UBE2E2: variants seen among roughly 807,000 people sequenced by gnomAD.
UBE2E2 encodes ubiquitin-conjugating enzyme E2 E2.
Under a neutral mutation model 24.7 loss-of-function variants are expected in UBE2E2, and 6 were observed. The ratio of observed to expected loss-of-function variants is 0.24; its 90% CI spans 0.13 to 0.48. The LOEUF (loss-of-function observed/expected upper bound fraction) is 0.48, where lower values mean the gene tolerates loss of function less well. Ranked by LOEUF, UBE2E2 falls within the 20% of genes least tolerant of loss-of-function variation. The probability of loss-of-function intolerance (pLI) is 0.99; values close to 1 mark genes in which losing one functional copy is unlikely to be tolerated. For synonymous variants in UBE2E2, 104 were observed against 83.6 expected, an observed-to-expected ratio of 1.24 and a Z score of -1.33; for missense variants, 169 against 245.0, an observed-to-expected ratio of 0.69 and a Z score of 2.07.
chr3:23,504,912 C>CT (rs150970405), intron 4 of UBE2E2, among the ~76,000 whole-genome samples: 1,532 of 95,056 alleles, frequency 0.016, 202 homozygotes, highest in African/African-American at 0.049. Context: ...GACATTCTTT[C>CT]TTTTTTTTTT....
At chr3:23,232,746 T>TA (rs1459743334) in intron 3 of UBE2E2, among the ~76,000 whole-genome samples, 1 of 152,260 alleles carries the variant, frequency 6.6e-6, no homozygotes, top group Non-Finnish European at 1.5e-5. Context: ...TCTTTGCGCA[T>TA]ACATTGTTTC....
At chr3:23,301,634 C>T (rs948207207) in intron 3 of UBE2E2, among the ~76,000 whole-genome samples, 3 of 152,162 alleles carry the variant, frequency 2.0e-5, no homozygotes, top group Admixed American at 6.5e-5. Context: ...TCTGATCGTT[C>T]CTCTGGAAGT....
rs574556571 is a variant in UBE2E2 at position 23,583,436 on chromosome 3, T to C, written c.509-6298T>C. Among the ~76,000 whole-genome samples, 15 of 152,296 alleles carry C rather than the reference T, an allele frequency of 9.8e-5. No homozygotes were observed. In the South Asian group the frequency reaches 3.1e-3, roughly 32 times the overall value. ...GGCCCTTTTTTGGTTCCATATGAATTTTAAAATAGTTTTTTCTAGTTCTGT... is the reference window on the plus strand; with the variant it reads ...GGCCCTTTTTTGGTTCCATATGAATCTTAAAATAGTTTTTTCTAGTTCTGT... On this transcript the variant is annotated intron_variant, in intron 5 of 5. Transcript: ENST00000396703. This position sits in a 1 kb window ranked among gnomAD's most constrained non-coding sequence, Gnocchi z 4.1.
intron 3 of UBE2E2, among the ~76,000 whole-genome samples, chr3:23,426,093 A>G (rs1697918329): frequency 6.6e-6 from 1 of 152,206 alleles, no homozygotes; most frequent in South Asian, 2.1e-4. Flanking sequence ...AAAACAGTGA[A>G]ATAAAAATGA....
intron 3 of UBE2E2, among the ~76,000 whole-genome samples, chr3:23,229,382 G>T (rs2125330762): frequency 6.6e-6 from 1 of 152,160 alleles, no homozygotes; most frequent in Admixed American, 6.6e-5. Flanking sequence ...AGATTTTGGT[G>T]CACCCATCTC....
chr3:23,551,187 T>C (rs1415587157), intron 5 of UBE2E2, among the ~76,000 whole-genome samples: 1 of 152,152 alleles, frequency 6.6e-6, no homozygotes, highest in African/African-American at 2.4e-5. Context: ...CATAAAATAT[T>C]ACCACGGACT....
chr3:23,467,754 A>G (rs1487339833), intron 3 of UBE2E2, among the ~76,000 whole-genome samples: 2 of 152,154 alleles, frequency 1.3e-5, no homozygotes. Context: ...AGACTGGGTA[A>G]TTTATAAGAA....
chr3:23,246,912 G>A (rs9841518), intron 3 of UBE2E2, among the ~76,000 whole-genome samples: 48,458 of 151,846 alleles, frequency 0.32, 8,037 homozygotes, highest in African/African-American at 0.37. Flanking sequence ...AATAGAGACG[G>A]AGTCATGCTG....
chr3:23,406,767 G>A (rs1397719238), intron 3 of UBE2E2, among the ~76,000 whole-genome samples: 2 of 152,182 alleles, frequency 1.3e-5, no homozygotes, highest in Non-Finnish European at 2.9e-5. Context: ...CCAACATAAA[G>A]AAAATCTGTA....
At chr3:23,246,168 AC>A (rs1212066366) in intron 3 of UBE2E2, among the ~76,000 whole-genome samples, 1 of 146,836 alleles carries the variant, frequency 6.8e-6, no homozygotes, top group Non-Finnish European at 1.5e-5. Context: ...TGATCCTTCC[AC>A]CTCAGCCTCC....
Position 23,291,849 on chromosome 3 carries a change from A to ATTTTTTTTTTTTTT in UBE2E2, c.227+74551_227+74564dup, listed in dbSNP as rs57708620. Among the ~76,000 whole-genome samples the ATTTTTTTTTTTTTT allele has an allele frequency of 8.0e-4, 51 of 64,040 alleles. 6 individuals carry two copies. The highest frequency in any genetic ancestry group is 3.5e-3 in the African/African-American group (49 of 14,038). 42.0% of individuals were successfully genotyped at this position (64,040 alleles called of 152,430 possible). ...AGATGTGTGCCACCATGCCCGGCTAATTTTTTTTTTTTTTTTTTTTTTTTT... is the reference window on the plus strand; with the variant it reads ...AGATGTGTGCCACCATGCCCGGCTAATTTTTTTTTTTTTTTTTTTTTTTTTTTTTTTTTTTTTTT... On this transcript the variant is annotated intron_variant, in intron 3 of 5. Coordinates refer to ENST00000396703, the MANE Select transcript of UBE2E2 (RefSeq NM_152653.4).
intron 3 of UBE2E2, among the ~76,000 whole-genome samples, chr3:23,287,486 T>C (rs1180196247): frequency 6.6e-6 from 1 of 152,178 alleles, no homozygotes; most frequent in Non-Finnish European, 1.5e-5. Flanking sequence ...TAGAACAGTT[T>C]GAGTAGGATT....
chr3:23,382,178 A>ATTTTTTTTT (rs10645761), intron 3 of UBE2E2, among the ~76,000 whole-genome samples: 21 of 110,796 alleles, frequency 1.9e-4, no homozygotes, highest in East Asian at 5.0e-4. Flanking sequence ...GAATACTTTA[A>ATTTTTTTTT]TTTTTTTTTT....
In UBE2E2 at chr3:23,316,483, C is replaced by T. The variant is rs535016724; in HGVS notation, c.227+99171C>T. Among the ~76,000 whole-genome samples, 75 of 152,082 alleles carry T rather than the reference C, an allele frequency of 4.9e-4. 1 individual carries two copies. Among genetic ancestry groups the T allele is most frequent in the Non-Finnish European group, 7.5e-4 (51 of 68,000 alleles). The stretch of plus-strand genomic sequence containing the variant: ...TCACTTAGCTTGTGGTGAATGCTGC[C>T]ACACTTGCAATTCCCCCCGTAGGGC... On this transcript the variant is annotated intron_variant, in intron 3 of 5. Transcript: ENST00000396703.
At chr3:23,546,631 G>A (rs551637411) in intron 5 of UBE2E2, among the ~76,000 whole-genome samples, 1 of 151,194 alleles carries the variant, frequency 6.6e-6, no homozygotes, top group Admixed American at 6.6e-5. Flanking sequence ...GCACCACCAC[G>A]CCTGGCTAAT....
At chr3:23,351,665 A>C (rs1462960719) in intron 3 of UBE2E2, among the ~76,000 whole-genome samples, 1 of 152,214 alleles carries the variant, frequency 6.6e-6, no homozygotes, top group Non-Finnish European at 1.5e-5. Context: ...AAAGGGATCA[A>C]TTCAACAAGA....
intron 3 of UBE2E2, among the ~76,000 whole-genome samples, chr3:23,288,921 G>A (rs150829524): frequency 1.3e-5 from 2 of 152,334 alleles, no homozygotes; most frequent in African/African-American, 4.8e-5. Context: ...ACACCACGTG[G>A]CTGCTGCTGG....
intron 3 of UBE2E2, among the ~76,000 whole-genome samples, chr3:23,457,128 G>C (rs1309112930): frequency 6.6e-6 from 1 of 152,170 alleles, no homozygotes; most frequent in African/African-American, 2.4e-5. Context: ...TGTTGAGGTG[G>C]AGTAAAGGCA....
chr3:23,327,202 C>G (rs1208715756), intron 3 of UBE2E2, among the ~76,000 whole-genome samples: 2 of 152,170 alleles, frequency 1.3e-5, no homozygotes, highest in African/African-American at 4.8e-5. Flanking sequence ...AATGGAATGG[C>G]TGGGTCAAAT....
Sources: gnomAD v4.1 joint callset for allele counts (sites outside exome capture counted in the v4.1 genomes callset) on GRCh38, gnomAD v4.1.1 for gene constraint, Gnocchi (gnomAD v3.1) non-coding constraint, MANE v1.5 for transcripts, NCBI Gene and HGNC (gene_info 2026-07-23, HGNC 2026-07-21) for gene names.